C19orf47: variants seen among roughly 807,000 people sequenced by gnomAD.
The protein encoded by C19orf47 is uncharacterized protein C19orf47.
Under a neutral mutation model 32.3 loss-of-function variants are expected in C19orf47, and 18 were observed. The ratio of observed to expected loss-of-function variants is 0.56; its 90% CI spans 0.39 to 0.83. The LOEUF (loss-of-function observed/expected upper bound fraction) is 0.83. Among genes scored for constraint, C19orf47 ranks in the 40% least tolerant of loss-of-function variants. The pLI is 0.00. For missense variants in C19orf47, 484 were observed against 531.6 expected (o/e 0.91, Z 0.88); for synonymous variants, 202 against 211.1 (o/e 0.96, Z 0.37).
rs536894094 is a variant in C19orf47, at chr19:40,337,887, T to C, written c.20-1480A>G. Among the ~76,000 whole-genome samples, 6 of 152,280 alleles carry C rather than the reference T, an allele frequency of 3.9e-5. No homozygotes were observed. The South Asian group carries it at 1.2e-3, about 32-fold the overall frequency. ...GGAAAGGGGTACCATTTCCCTATGTTGTGCAGGCACCATCCACCTGCTAAG... is the reference window on the plus strand; with the variant it reads ...GGAAAGGGGTACCATTTCCCTATGTCGTGCAGGCACCATCCACCTGCTAAG... On this transcript the variant is annotated intron_variant, in intron 2 of 8. Coordinates refer to ENST00000683109, the MANE Select transcript of C19orf47 (RefSeq NM_001256441.2).
chr19:40,314,469 T>C, the C19orf47 span, among the ~76,000 whole-genome samples: 1 of 152,248 alleles, frequency 6.6e-6, no homozygotes, highest in South Asian at 2.1e-4. Context: ...AAAGGGACTC[T>C]GGAACCAACT....
Position 40,326,368 on chromosome 19 carries a change from G to C in C19orf47, c.558C>G (p.Thr186=), listed in dbSNP as rs1435415608. 1.1e-5 allele frequency: 18 copies of C among 1,614,080 alleles called. No individual in the cohort carries two copies. Among genetic ancestry groups the C allele is most frequent in the Non-Finnish European group, 1.4e-5 (16 of 1,180,052 alleles). ...INMPKGTTPR[T]RKILEQQQAA... is the part of the protein sequence containing the mutation. ...CCTGCTGCTGCTCCAGGATCTTGCG[G>C]GTGCGGGGTGTGGTGCCTTTGGGCA... Residue 186 remains threonine, a synonymous_variant, in exon 7 of 9, where the codon ACC becomes ACG. Transcript: ENST00000683109.
chr19:40,340,750 A>G (rs1182118513), intron 2 of C19orf47, among the ~76,000 whole-genome samples: 2 of 150,530 alleles, frequency 1.3e-5, no homozygotes, highest in East Asian at 4.0e-4. Flanking sequence ...AGGCTGAGGC[A>G]GGAGGATCTC....
At chr19:40,315,779 CAA>C (rs1003998016), downstream of C19orf47, among the ~76,000 whole-genome samples, 7 of 124,504 alleles carry the variant, frequency 5.6e-5, no homozygotes, top group Admixed American at 8.3e-5. Flanking sequence ...CACTCCATCT[CAA>C]AAAAAAAAAA....
chr19:40,348,025 C>T (rs2078356157), intron 1 of C19orf47, among the ~76,000 whole-genome samples: 1 of 152,150 alleles, frequency 6.6e-6, no homozygotes, highest in Non-Finnish European at 1.5e-5. Context: ...AACAATTTTT[C>T]ATACTAAGCG....
intron 5 of C19orf47, among the ~76,000 whole-genome samples, chr19:40,330,326 T>C (rs1197937155): frequency 1.4e-5 from 2 of 145,006 alleles, no homozygotes; most frequent in Non-Finnish European, 3.2e-5. Flanking sequence ...CCTCCCAGGT[T>C]CACACCATTC....
At chr19:40,316,665 A>G (rs560256049), downstream of C19orf47, among the ~76,000 whole-genome samples, 1 of 152,312 alleles carries the variant, frequency 6.6e-6, no homozygotes, top group South Asian at 2.1e-4. Context: ...CTGTGTAAAT[A>G]AATCACCTGA....
rs577431780 is a variant in C19orf47, at chr19:40,324,952, T to C, written c.593-876A>G. ...TCCAGCCCAGGCAACAGAGCAAGAC[T>C]CTGTCTCAAAAAAAAAAAAAGAAAA... On this transcript the variant is annotated intron_variant, in intron 7 of 8. Coordinates refer to ENST00000683109, the MANE Select transcript of C19orf47 (RefSeq NM_001256441.2). Among the ~76,000 whole-genome samples the C allele has an allele frequency of 2.0e-5, 3 of 149,602 alleles. No individual in the cohort carries two copies. In the East Asian group the frequency reaches 5.9e-4, roughly 30 times the overall value.
At chr19:40,337,805 T>C (rs2078095187) in intron 2 of C19orf47, among the ~76,000 whole-genome samples, 1 of 152,052 alleles carries the variant, frequency 6.6e-6, no homozygotes, top group Non-Finnish European at 1.5e-5. Context: ...GACTGGCCCT[T>C]GGGGACTGAG....
chr19:40,300,389 C>T, the C19orf47 span, among the ~76,000 whole-genome samples: 1 of 151,734 alleles, frequency 6.6e-6, no homozygotes, highest in Non-Finnish European at 1.5e-5. Flanking sequence ...TGCTTGAACC[C>T]AGGAGGCGGA....
At chr19:40,299,687 T>C in the C19orf47 span, 10 of 152,340 alleles carry the variant, frequency 6.6e-5, no homozygotes. Flanking sequence ...AATTTGCCAG[T>C]TGAGCCCCTG....
the C19orf47 span, among the ~76,000 whole-genome samples, chr19:40,295,114 TG>T: frequency 9.9e-5 from 15 of 150,892 alleles, no homozygotes; most frequent in Non-Finnish European, 1.5e-4. Context: ...CTCCGCCTCC[TG>T]GGTTCAAATG....
intron 6 of C19orf47, 50 bp from the exon 7 acceptor site, chr19:40,326,536 C>T: frequency 6.3e-7 from 1 of 1,588,664 alleles, no homozygotes; most frequent in Non-Finnish European, 8.5e-7. Flanking sequence ...AGAACGTTCT[C>T]CCAGGATGGA....
intron 4 of C19orf47, among the ~76,000 whole-genome samples, chr19:40,335,658 G>A (rs1306130374): frequency 1.3e-5 from 2 of 150,712 alleles, no homozygotes; most frequent in Non-Finnish European, 2.9e-5. Flanking sequence ...CGCCCAGGCT[G>A]GAGTGCAGTG....
chr19:40,304,014 C>T, the C19orf47 span, among the ~76,000 whole-genome samples: 2 of 152,154 alleles, frequency 1.3e-5, 1 homozygote, highest in East Asian at 3.9e-4. Context: ...CTTTTGTTTC[C>T]TCTTATTAAA....
intron 1 of C19orf47, among the ~76,000 whole-genome samples, chr19:40,346,863 A>G (rs1486294478): frequency 6.6e-6 from 1 of 152,208 alleles, no homozygotes; most frequent in Non-Finnish European, 1.5e-5. Context: ...GGATTAAACG[A>G]GTTAATAAAC....
At chr19:40,338,329 A>G (rs1478546230) in intron 2 of C19orf47, among the ~76,000 whole-genome samples, 1 of 147,384 alleles carries the variant, frequency 6.8e-6, no homozygotes, top group Non-Finnish European at 1.5e-5. Flanking sequence ...ACAAATATAT[A>G]TATACACAAA....
At chr19:40,347,469 T>C (rs7249819) in intron 1 of C19orf47, among the ~76,000 whole-genome samples, 16,971 of 150,956 alleles carry the variant, frequency 0.11, 1,373 homozygotes, top group African/African-American at 0.23. Flanking sequence ...GAAGCGGAGG[T>C]TGCGGTGAGA....
At chr19:40,309,617 G>C in the C19orf47 span, among the ~76,000 whole-genome samples, 2 of 151,734 alleles carry the variant, frequency 1.3e-5, no homozygotes, top group African/African-American at 4.8e-5. Context: ...GTTGTCCCTT[G>C]AAGTTGCCTT....
Sources: allele counts gnomAD v4.1 joint callset (sites outside exome capture counted in the v4.1 genomes callset), GRCh38; gene constraint gnomAD v4.1.1; transcripts MANE v1.5; gene names NCBI Gene and HGNC (gene_info 2026-07-23, HGNC 2026-07-21).